Variants in SHFL observed in about 807,000 individuals in gnomAD.
SHFL encodes the protein shiftless antiviral inhibitor of ribosomal frameshifting protein.
A neutral mutation model predicts 34.7 loss-of-function variants in SHFL; 12 were observed. The observed-to-expected ratio is 0.35, with a 90% CI of 0.22 to 0.56. The LOEUF (loss-of-function observed/expected upper bound fraction) is 0.56, where lower values mean the gene tolerates loss of function less well. Among genes scored for constraint, SHFL ranks in the 20% least tolerant of loss-of-function variants. The pLI is 0.88. For synonymous variants in SHFL, 148 were observed against 156.0 expected, an observed-to-expected ratio of 0.95 and a Z score of 0.38; for missense variants, 278 against 411.1, an observed-to-expected ratio of 0.68 and a Z score of 2.80.
In SHFL at chr19:10,090,541, C is replaced by T. The variant is rs549724180; in HGVS notation, c.384+494C>T. ...CCTCCACCTCCTGGCCTCAGGTGAT[C>T]CTCCCACCTCAACCTCCCAAGCAGC... On this transcript the variant is annotated intron_variant, in intron 5 of 7. Transcript: ENST00000253110. 5.3e-5 allele frequency among the ~76,000 whole-genome samples: 8 copies of T among 151,124 alleles called. No individual in the cohort carries two copies. The East Asian group carries it at 6.1e-4, about 12-fold the overall frequency.
chr19:10,086,403 C>T lies in SHFL; in HGVS notation c.-25C>T. ...GGCTGAGCCGCGCAGTGCGGACCCT[C>T]GCGGGGAACTGCGCCGCCGCCACCA... On this transcript the variant is annotated 5_prime_UTR_variant, in exon 1 of 8. Coordinates refer to ENST00000253110, the MANE Select transcript of SHFL (RefSeq NM_018381.4). This position sits in a 1 kb window ranked among gnomAD's most constrained non-coding sequence, Gnocchi z 5.2. 7.5e-7 allele frequency: 1 copy of T among 1,328,576 alleles called. No homozygotes were observed. The highest frequency in any genetic ancestry group is 9.7e-7 in the Non-Finnish European group (1 of 1,032,804). The allele number at this position is 1,328,576 out of a possible 1,614,324, so 82.3% of individuals were successfully genotyped here.
In SHFL at chr19:10,087,111, G is replaced by GC. The variant is rs2088301223; in HGVS notation, c.145+60dup. 4.4e-6 allele frequency: 7 copies of GC among 1,594,072 alleles called. No homozygotes were observed. In the East Asian group the frequency reaches 1.6e-4, roughly 36 times the overall value. On this transcript the variant is annotated intron_variant, in intron 2 of 7. Transcript: ENST00000253110. ...GACCGCGCGTGGGAGCGCCGAGGGG[G>GC]CGTGGTCTAGGGAGAGGCGTTGAGA...
chr19:10,087,849 GAA>G, intron 3 of SHFL: 1 of 163,066 alleles, frequency 6.1e-6, no homozygotes, highest in African/African-American at 2.6e-5. Flanking sequence ...ATGAATGAAT[GAA>G]TGAATGAATG....
Position 10,092,111 on chromosome 19 carries a change from C to A in SHFL, c.685C>A (p.Arg229=). 2 of 1,613,788 alleles carry A rather than the reference C, an allele frequency of 1.2e-6. No homozygotes were observed. The highest frequency in any genetic ancestry group is 8.5e-7 in the Non-Finnish European group (1 of 1,179,802). ...PGTSCAHPKS[R]KQNHLPKVLH... is the part of the protein sequence containing the mutation. ...GACATCCTGTGCTCACCCCAAGAGC[C>A]GGAAGCAGAACCACCTGCCCAAAGT... The change falls in exon 8 of 8, where the codon CGG becomes AGG. Residue 229 remains arginine, a synonymous_variant. Transcript: ENST00000253110.
In SHFL at chr19:10,086,801, GGC is replaced by G. The variant is rs565689059; in HGVS notation, c.22-126_22-125del. 3.5e-3 allele frequency: 4,063 copies of G among 1,170,210 alleles called. 42 individuals are homozygous for G. In the Admixed American group the frequency reaches 0.043, roughly 12 times the overall value. 72.5% of individuals were successfully genotyped at this position (1,170,210 alleles called of 1,614,324 possible). ...CAGGAAATGCCGTAAAGGGATGAAA[GGC>G]GGGGGGGGGGCGGCGGAGGCCAAAA... is the stretch of plus-strand genomic sequence containing the variant. On this transcript the variant is annotated intron_variant, in intron 1 of 7. Transcript: ENST00000253110. This position sits in a 1 kb window ranked among gnomAD's most constrained non-coding sequence, Gnocchi z 5.2.
Position 10,093,182 on chromosome 19 carries a change from CCCACCAGGATAAAAGT to C in SHFL, c.*883_*898del. On this transcript the variant is annotated 3_prime_UTR_variant, in exon 8 of 8. Transcript: ENST00000253110. ...AGAAGGAATCTGGACTCCCCATCCC[CCCACCAGGATAAAAGT>C]CCTGACCTTTGTTCTCTTGACGGAA... 3 of 929,480 alleles carry C rather than the reference CCCACCAGGATAAAAGT, an allele frequency of 3.2e-6. No individual in the cohort carries two copies. The South Asian group carries it at 5.3e-5, about 16-fold the overall frequency. 57.6% of individuals were successfully genotyped at this position (929,480 alleles called of 1,614,324 possible).
rs1201446954 is a variant in SHFL at position 10,089,778 on chromosome 19, G to A, written c.234+83G>A. 7 of 1,548,400 alleles carry A rather than the reference G, an allele frequency of 4.5e-6. No individual in the cohort carries two copies. The East Asian group carries it at 9.5e-5, about 21-fold the overall frequency. On this transcript the variant is annotated intron_variant, in intron 4 of 7. Coordinates refer to ENST00000253110, the MANE Select transcript of SHFL (RefSeq NM_018381.4). ...CAGAAGGATGTCCATTAGGGCAGGAGGGGAGATATTCACTGGGGCAGGAAG... is the reference window on the plus strand; with the variant it reads ...CAGAAGGATGTCCATTAGGGCAGGAAGGGAGATATTCACTGGGGCAGGAAG...
At position 10,086,837 on chromosome 19, in the gene SHFL, C is replaced by A; in HGVS notation, c.22-92C>A. On this transcript the variant is annotated intron_variant, in intron 1 of 7. Transcript: ENST00000253110. The surrounding 1 kb of genome is among the most constrained non-coding windows in gnomAD (Gnocchi z 5.2). ...GGCGGCGGAGGCCAAAACCAAGGGT[C>A]AAGTTCGGGCCGGGAGAACGGTGCC... 6.8e-7 allele frequency: 1 copy of A among 1,460,854 alleles called. No individual in the cohort carries two copies. Among genetic ancestry groups the A allele is most frequent in the South Asian group, 1.3e-5 (1 of 78,386 alleles). 90.5% of individuals were successfully genotyped at this position (1,460,854 alleles called of 1,614,324 possible).
Position 10,093,167 on chromosome 19 carries a change from T to C in SHFL, c.*865T>C. On this transcript the variant is annotated 3_prime_UTR_variant, in exon 8 of 8. Transcript: ENST00000253110. ...TTTTTGCCTCATCAGAGAAGGAATC[T>C]GGACTCCCCATCCCCCCACCAGGAT... The C allele has an allele frequency of 1.2e-6, 1 of 801,218 alleles. No homozygotes were observed. Among genetic ancestry groups the C allele is most frequent in the Non-Finnish European group, 2.0e-6 (1 of 510,860 alleles). The allele number at this position is 801,218 out of a possible 1,614,324, so 49.6% of individuals were successfully genotyped here.
chr19:10,089,230 AG>A, intron 3 of SHFL: 1 of 1,387,030 alleles, frequency 7.2e-7, no homozygotes, highest in Non-Finnish European at 1.0e-6. Context: ...CCCAGGGGGC[AG>A]GGAGTGGCTT....
Position 10,089,732 on chromosome 19 carries a change from G to A in SHFL, c.234+37G>A, listed in dbSNP as rs777323863. ...GCTAGGGCTTGGGATGGGGGAGTTG[G>A]GAGGGGGACATCTGCAGGCACAGAA... On this transcript the variant is annotated intron_variant, in intron 4 of 7. Transcript: ENST00000253110. 3.2e-5 allele frequency: 50 copies of A among 1,583,460 alleles called. No individual in the cohort carries two copies. In the Admixed American group the frequency reaches 4.0e-4, roughly 13 times the overall value.
Position 10,091,529 on chromosome 19 carries a change from T to C in SHFL, c.542T>C (p.Val181Ala). The C allele has an allele frequency of 1.3e-6, 2 of 1,549,812 alleles. No homozygotes were observed. The highest frequency in any genetic ancestry group is 1.7e-6 in the Non-Finnish European group (2 of 1,146,492). The change falls in exon 7 of 8, where the codon GTG (valine) becomes GCG (alanine). Residue 181 changes from valine (V) to alanine (A), a missense_variant. Physicochemically the swap from Val to Ala is moderately conservative, Grantham distance 64 (BLOSUM62 0). Transcript: ENST00000253110. This position sits in a 1 kb window ranked among gnomAD's most constrained non-coding sequence, Gnocchi z 8.2. ...CCCTGCTACGGGTGCGGCTTCCCCG[T>C]GTATCCAACACGGATCCTCCCCCCG... is the stretch of plus-strand genomic sequence containing the variant. ...PSPCYGCGFP[V>A]YPTRILPPRW...
In SHFL at chr19:10,091,282, C is replaced by T. The variant is rs746545216; in HGVS notation, c.417C>T (p.Tyr139=). ...GGTGCCGGAAATGCCGGAAGCGCTA[C>T]GAGCCAGTGCCAGCTGACAAGATGT... ...VSRCRKCRKR[Y]EPVPADKMWG... Residue 139 remains tyrosine (Y), a synonymous_variant, in exon 6 of 8, where the codon TAC becomes TAT. Transcript: ENST00000253110. This position sits in a 1 kb window ranked among gnomAD's most constrained non-coding sequence, Gnocchi z 8.2. 59 of 1,613,436 alleles carry T rather than the reference C, an allele frequency of 3.7e-5. No individual in the cohort carries two copies. Among genetic ancestry groups the T allele is most frequent in the Non-Finnish European group, 3.9e-5 (46 of 1,179,810 alleles).
intron 3 of SHFL, chr19:10,089,297 T>C: frequency 6.3e-7 from 1 of 1,597,954 alleles, no homozygotes; most frequent in Non-Finnish European, 8.5e-7. Context: ...CACATCTCTC[T>C]CCCACTTAGC....
At position 10,089,912 on chromosome 19, in the gene SHFL, C is replaced by A. The variant is rs766509247; in HGVS notation, c.249C>A (p.Ser83=). Reference sequence around the variant, plus strand: ...CCATTCCACAGGCAGTGGCGACCTCCCTCCTGCCACTGACAGAAGCCAACC... The same window carrying A: ...CCATTCCACAGGCAGTGGCGACCTCACTCCTGCCACTGACAGAAGCCAACC... ...QDRDIQAVAT[S]LLPLTEANLR... is the part of the protein sequence containing the mutation. Residue 83 remains serine, a synonymous_variant, in exon 5 of 8, where the codon TCC becomes TCA. Transcript: ENST00000253110. 6.2e-7 allele frequency: 1 copy of A among 1,611,784 alleles called. No individual in the cohort carries two copies. The highest frequency in any genetic ancestry group is 1.3e-5 in the African/African-American group (1 of 74,862).
At position 10,091,502 on chromosome 19, in the gene SHFL, C is replaced by A; in HGVS notation, c.515C>A (p.Ser172Tyr). Residue 172 changes from serine (S) to tyrosine (Y), a missense_variant, in exon 7 of 8, where the codon TCC becomes TAC. By Grantham distance (144) the Ser-to-Tyr change is moderately radical. Transcript: ENST00000253110. This position sits in a 1 kb window ranked among gnomAD's most constrained non-coding sequence, Gnocchi z 8.2. ...FRGWAQMGSPSPCYGCGFPVY... is the reference protein window; with the variant it reads ...FRGWAQMGSPYPCYGCGFPVY... Reference sequence around the variant, plus strand: ...GGCTGGGCACAGATGGGGTCCCCGTCCCCCTGCTACGGGTGCGGCTTCCCC... The same window carrying A: ...GGCTGGGCACAGATGGGGTCCCCGTACCCCTGCTACGGGTGCGGCTTCCCC... The A allele has an allele frequency of 6.5e-7, 1 of 1,544,220 alleles. No individual in the cohort carries two copies. Among genetic ancestry groups the A allele is most frequent in the Non-Finnish European group, 8.8e-7 (1 of 1,142,782 alleles).
In SHFL at chr19:10,092,686, C is replaced by A; in HGVS notation, c.*384C>A. Reference sequence around the variant, plus strand: ...GTAGACACCATCCTGGTAGCGGCTTCGGTAGTGGCCGCCGTGGTGCCACAC... The same window carrying A: ...GTAGACACCATCCTGGTAGCGGCTTAGGTAGTGGCCGCCGTGGTGCCACAC... On this transcript the variant is annotated 3_prime_UTR_variant, in exon 8 of 8. Transcript: ENST00000253110. 1 of 1,614,016 alleles carries A rather than the reference C, an allele frequency of 6.2e-7. No homozygotes were observed. Among genetic ancestry groups the A allele is most frequent in the Non-Finnish European group, 8.5e-7 (1 of 1,179,924 alleles).
rs916863836 is a variant in SHFL at position 10,091,583 on chromosome 19, G to A, written c.596G>A (p.Ser199Asn). Residue 199 changes from serine (S) to asparagine (N), a missense_variant, in exon 7 of 8, where the codon AGC (serine) becomes AAC (asparagine). This residue lies in a region of SHFL where 243 missense variants were observed against 386.2 expected (regional missense o/e 0.63). Coordinates refer to ENST00000253110, the MANE Select transcript of SHFL (RefSeq NM_018381.4). The surrounding 1 kb of genome is among the most constrained non-coding windows in gnomAD (Gnocchi z 8.2). ...PRWDRDPDRR[S>N]THTHSCSAAD... ...TGGGACCGGGACCCGGATCGCCGCA[G>A]CACCCACACTCACTCCTGCTCAGCT... 2.6e-6 allele frequency: 4 copies of A among 1,551,572 alleles called. No individual in the cohort carries two copies. Among genetic ancestry groups the A allele is most frequent in the Non-Finnish European group, 3.5e-6 (4 of 1,147,214 alleles).
In SHFL at chr19:10,086,807, G is replaced by C. The variant is rs564506146; in HGVS notation, c.22-122G>C. 2.4e-5 allele frequency: 29 copies of C among 1,194,768 alleles called. No homozygotes were observed. Among genetic ancestry groups the C allele is most frequent in the Admixed American group, 4.9e-5 (2 of 40,764 alleles). 74.0% of individuals were successfully genotyped at this position (1,194,768 alleles called of 1,614,324 possible). ...ATGCCGTAAAGGGATGAAAGGCGGG[G>C]GGGGGGCGGCGGAGGCCAAAACCAA... On this transcript the variant is annotated intron_variant, in intron 1 of 7. Transcript: ENST00000253110. The surrounding 1 kb of genome is among the most constrained non-coding windows in gnomAD (Gnocchi z 5.2).
Sources: allele counts gnomAD v4.1 joint callset (sites outside exome capture counted in the v4.1 genomes callset), GRCh38; gene constraint gnomAD v4.1.1; regional missense constraint gnomAD v4.1.1; non-coding constraint Gnocchi (gnomAD v3.1); transcripts MANE v1.5; gene names NCBI Gene and HGNC (gene_info 2026-07-23, HGNC 2026-07-21).